The following CEP350 variants were observed in gnomAD, a reference collection of about 807,000 sequenced individuals.
CEP350 encodes the protein centrosomal protein 350, also known as centrosome-associated protein 350.
CEP350 carries 126 observed loss-of-function variants against 331.8 expected under a neutral mutation model. That is an observed-to-expected ratio of 0.38 (90% confidence interval 0.33 to 0.44). CEP350 has a LOEUF of 0.44. Ranked by LOEUF, CEP350 falls within the 20% of genes least tolerant of loss-of-function variation. The probability of loss-of-function intolerance (pLI) is 1.00; values close to 1 mark genes in which losing one functional copy is unlikely to be tolerated. For missense variants in CEP350, 3,406 were observed against 3,634.6 expected (o/e 0.94, Z 1.62); for synonymous variants, 1,200 against 1,259.5 (o/e 0.95, Z 1.00).
intron 10 of CEP350, among the ~76,000 whole-genome samples, chr1:180,015,221 T>C (rs947342794): frequency 6.9e-6 from 1 of 145,106 alleles, no homozygotes; most frequent in African/African-American, 2.8e-5. Flanking sequence ...TTTATTTATT[T>C]ATTTATTTAT....
intron 1 of CEP350, among the ~76,000 whole-genome samples, chr1:179,983,383 C>T (rs757242622): frequency 2.0e-5 from 3 of 151,906 alleles, no homozygotes; most frequent in Admixed American, 1.3e-4. Context: ...TACAGATGTG[C>T]GCCACCATGC....
intron 1 of CEP350, among the ~76,000 whole-genome samples, chr1:179,979,453 T>A (rs187695924): frequency 4.6e-4 from 70 of 151,508 alleles, no homozygotes; most frequent in Non-Finnish European, 7.4e-5. Flanking sequence ...CAATTCCCTG[T>A]CAGGTGAGTA....
At chr1:180,058,569 G>A (rs556590580) in intron 25 of CEP350, among the ~76,000 whole-genome samples, 1 of 152,212 alleles carries the variant, frequency 6.6e-6, no homozygotes, top group South Asian at 2.1e-4. Context: ...AGAGGAAGGA[G>A]GAAGAGATTG....
At chr1:180,066,355 T>A (rs1214047427) in intron 27 of CEP350, among the ~76,000 whole-genome samples, 1 of 152,246 alleles carries the variant, frequency 6.6e-6, no homozygotes, top group East Asian at 1.9e-4. Flanking sequence ...CCATTTTAAA[T>A]TCGCAATTTG....
At chr1:180,035,505 A>G (rs904170083) in intron 16 of CEP350, among the ~76,000 whole-genome samples, 3 of 152,194 alleles carry the variant, frequency 2.0e-5, no homozygotes, top group Non-Finnish European at 2.9e-5. Flanking sequence ...AGTTGAAGCT[A>G]ATGCTCATTT....
intron 30 of CEP350, among the ~76,000 whole-genome samples, chr1:180,081,682 G>A (rs1431296847): frequency 1.3e-5 from 2 of 152,118 alleles, no homozygotes; most frequent in Non-Finnish European, 1.5e-5. Context: ...TGTAATACCT[G>A]TACAGTATAT....
In CEP350 at chr1:180,095,615, A is replaced by G. The variant is rs763414039; in HGVS notation, c.8604A>G (p.Gly2868=). ...GCCGGGAGTTCCTGAGCGCGTTAGG[A>G]GATGATCAAGACTGGTTTGATGAAG... ...ELSREFLSAL[G]DDQDWFDEDF... Residue 2868 remains glycine (G), a synonymous_variant, in exon 35 of 38, where the codon GGA becomes GGG. Coordinates refer to ENST00000367607, the MANE Select transcript of CEP350 (RefSeq NM_014810.5). 1.9e-6 allele frequency: 3 copies of G among 1,613,774 alleles called. No individual in the cohort carries two copies. In the Admixed American group the frequency reaches 5.0e-5, roughly 27 times the overall value.
intron 37 of CEP350, among the ~76,000 whole-genome samples, chr1:180,102,829 AAG>A (rs1402045105): frequency 1.3e-5 from 2 of 152,192 alleles, no homozygotes; most frequent in African/African-American, 4.8e-5. Flanking sequence ...CTTTTTACTT[AAG>A]CAGTTTGAAG....
chr1:180,023,841 A>C (rs1238494158), intron 13 of CEP350, among the ~76,000 whole-genome samples: 1 of 152,194 alleles, frequency 6.6e-6, no homozygotes, highest in Non-Finnish European at 1.5e-5. Context: ...CAAATATTAC[A>C]AATTGTAATC....
At chr1:179,970,630 G>A (rs942305494) in intron 1 of CEP350, among the ~76,000 whole-genome samples, 1 of 151,730 alleles carries the variant, frequency 6.6e-6, no homozygotes, top group African/African-American at 2.4e-5. Flanking sequence ...GAGCCAGAAT[G>A]AAGTCATTTT....
At chr1:180,048,406 T>A in intron 21 of CEP350, 130 bp from the exon 22 acceptor site, 1 of 620,506 alleles carries the variant, frequency 1.6e-6, no homozygotes, top group South Asian at 2.2e-5. Context: ...TTTTTCTGTT[T>A]TATATTACAT....
rs78339243 is a variant in CEP350 at position 179,954,976 on chromosome 1, G to A, written c.-180G>A. On this transcript the variant is annotated 5_prime_UTR_variant, in exon 1 of 38. Transcript: ENST00000367607. Reference sequence around the variant, plus strand: ...TTTCCGCCTTGTCTTCCTTCCCAGCGGACCGGCGGATCCCCGGAGCCGGTG... The same window carrying A: ...TTTCCGCCTTGTCTTCCTTCCCAGCAGACCGGCGGATCCCCGGAGCCGGTG... The A allele has an allele frequency of 0.11, 130,709 of 1,211,322 alleles. 7,794 individuals are homozygous for A. Among genetic ancestry groups the A allele is most frequent in the Middle Eastern group, 0.12 (383 of 3,220 alleles). 75.0% of individuals were successfully genotyped at this position (1,211,322 alleles called of 1,614,324 possible).
At position 180,078,592 on chromosome 1, in the gene CEP350, C is replaced by G. The variant is rs770681812; in HGVS notation, c.5897C>G (p.Pro1966Arg). ...TCCGAGTCTATAGGACAGGAGCAGC[C>G]AGGGAGTCCAGATCACAGTATACTT... ...VPSESIGQEQ[P>R]GSPDHSILTE... Residue 1966 changes from proline to arginine, a missense_variant, in exon 29 of 38, where the codon CCA (proline) becomes CGA (arginine). Physicochemically the swap from Pro to Arg is moderately radical, Grantham distance 103 (BLOSUM62 -2). Around this residue, in one of 5 missense-constraint regions of CEP350, gnomAD observed 1,415 missense variants for 1,512.3 expected, o/e 0.94. Coordinates refer to ENST00000367607, the MANE Select transcript of CEP350 (RefSeq NM_014810.5). The G allele has an allele frequency of 9.9e-6, 16 of 1,613,132 alleles. No homozygotes were observed. In the South Asian group the frequency reaches 1.8e-4, roughly 18 times the overall value.
In CEP350 at chr1:180,111,698, C is replaced by A. The variant is rs561239832; in HGVS notation, c.*537C>A. The A allele has an allele frequency of 6.5e-6, 1 of 152,682 alleles. No individual in the cohort carries two copies. The highest frequency in any genetic ancestry group is 1.5e-5 in the Non-Finnish European group (1 of 68,082). 9.5% of individuals were successfully genotyped at this position (152,682 alleles called of 1,614,324 possible). A position where few individuals can be genotyped will look rare whatever the true frequency, so the allele number is the denominator to read the frequency against. On this transcript the variant is annotated 3_prime_UTR_variant, in exon 38 of 38. Transcript: ENST00000367607. ...TTCATTTCTTTTTGAAGACCATTTT[C>A]TTCCATTATTGTAGTTGAGCAGCAC...
At chr1:180,065,057 A>G (rs1466680998) in intron 26 of CEP350, 58 bp from the exon 27 acceptor site, 25 of 1,479,266 alleles carry the variant, frequency 1.7e-5, no homozygotes, top group Non-Finnish European at 2.2e-5. Context: ...TGACAGTATT[A>G]TGATGGCTTC....
chr1:180,075,338 A>T (rs1419329474), intron 28 of CEP350, 117 bp downstream of exon 28: 6 of 1,084,182 alleles, frequency 5.5e-6, no homozygotes, highest in Non-Finnish European at 7.7e-6. Flanking sequence ...TGTAATCCTA[A>T]CACTTTGGAA....
At chr1:180,009,048 C>T (rs1166591038) in intron 8 of CEP350, among the ~76,000 whole-genome samples, 1 of 152,178 alleles carries the variant, frequency 6.6e-6, no homozygotes, top group African/African-American at 2.4e-5. Context: ...CAGAGTCTTG[C>T]TCTGTCACTG....
intron 8 of CEP350, among the ~76,000 whole-genome samples, chr1:180,011,384 T>C (rs1373199047): frequency 6.6e-6 from 1 of 152,220 alleles, no homozygotes; most frequent in Non-Finnish European, 1.5e-5. Flanking sequence ...GTGCTAGATA[T>C]TGGTAAACCA....
At position 180,093,047 on chromosome 1, in the gene CEP350, A is replaced by C; in HGVS notation, c.6942A>C (p.Leu2314=). 1.9e-6 allele frequency: 3 copies of C among 1,606,310 alleles called. No individual in the cohort carries two copies. The highest frequency in any genetic ancestry group is 2.6e-6 in the Non-Finnish European group (3 of 1,175,720). ...ATTCTGAAAATGTTCAGAAAGACCT[A>C]GTTGGATTAGCTATTGAAAATCTCC... ...PLDSENVQKD[L]VGLAIENLHK... Residue 2314 remains leucine (L), a synonymous_variant, in exon 34 of 38, where the codon CTA becomes CTC. Transcript: ENST00000367607.
Sources: allele counts gnomAD v4.1 joint callset (sites outside exome capture counted in the v4.1 genomes callset), GRCh38; gene constraint gnomAD v4.1.1; regional missense constraint gnomAD v4.1.1; transcripts MANE v1.5; gene names NCBI Gene and HGNC (gene_info 2026-07-23, HGNC 2026-07-21).